The following ANK2 variants were observed in gnomAD, a reference collection of about 807,000 sequenced individuals.
ANK2 encodes the protein ankyrin-2.
Under a neutral mutation model 360.5 loss-of-function variants are expected in ANK2, and 83 were observed. That is an observed-to-expected ratio of 0.23 (90% CI 0.19 to 0.28). The LOEUF (loss-of-function observed/expected upper bound fraction) is 0.28, where lower values mean the gene tolerates loss of function less well. ANK2 is among the 10% of genes least tolerant of loss of function. The pLI is 1.00. For synonymous variants in ANK2, 1,740 were observed against 1,759.5 expected, an observed-to-expected ratio of 0.99 and a Z score of 0.28; for missense variants, 4,201 against 4,795.7, an observed-to-expected ratio of 0.88 and a Z score of 3.66.
chr4:113,040,022 T>C (rs149820794), intron 2 of ANK2, among the ~76,000 whole-genome samples: 21 of 152,140 alleles, frequency 1.4e-4, no homozygotes, highest in Admixed American at 3.3e-4. Flanking sequence ...ATAAATTAAG[T>C]TGCCCCTGAA....
chr4:112,910,948 ATTATTTGCCT>A (rs2086972885), intron 2 of ANK2, among the ~76,000 whole-genome samples: 3 of 134,922 alleles, frequency 2.2e-5, no homozygotes, highest in Non-Finnish European at 4.8e-5. Flanking sequence ...ACTTTTGTTT[ATTATTTGCCT>A]TTTTTTTTTT....
chr4:113,215,215 G>A (rs965016641), intron 4 of ANK2, among the ~76,000 whole-genome samples: 5 of 152,070 alleles, frequency 3.3e-5, no homozygotes, highest in African/African-American at 1.2e-4. Flanking sequence ...GAGAGGAAAG[G>A]CAATGAAATA....
the ANK2 span, among the ~76,000 whole-genome samples, chr4:112,799,930 T>C: frequency 6.6e-6 from 1 of 151,754 alleles, no homozygotes; most frequent in South Asian, 2.1e-4. Flanking sequence ...TCTCAGTTCC[T>C]AGCCTAGGAT....
chr4:113,367,572 C>G lies in ANK2; in HGVS notation c.11039C>G (p.Ser3680Trp). Residue 3680 changes from serine (S) to tryptophan (W), a missense_variant, in exon 42 of 46, where the codon TCG becomes TGG. Ser to Trp is a radical substitution (Grantham distance 177). Around this residue, in one of 4 missense-constraint regions of ANK2, gnomAD observed 2,642 missense variants for 2,714.5 expected, o/e 0.97. Coordinates refer to ENST00000357077, the MANE Select transcript of ANK2 (RefSeq NM_001148.6). The stretch of plus-strand genomic sequence containing the variant: ...TAAATCATTCTGCCTTTAGGGTTCT[C>G]GGTACTTCAAGAGGAGTTATGCACT... ...TITLDHSEGFSVLQEELCTAQ... is the reference protein window; with the variant it reads ...TITLDHSEGFWVLQEELCTAQ... 1 of 1,613,608 alleles carries G rather than the reference C, an allele frequency of 6.2e-7. No individual in the cohort carries two copies. The highest frequency in any genetic ancestry group is 1.1e-5 in the South Asian group (1 of 91,036).
chr4:113,048,243 A>AGTGT (rs796693713), upstream of ANK2, among the ~76,000 whole-genome samples: 78 of 53,478 alleles, frequency 1.5e-3, no homozygotes, highest in East Asian at 0.044. Context: ...TGCATCTACA[A>AGTGT]GTGTGTATAT....
chr4:113,200,240 G>C (rs72898017), intron 4 of ANK2, among the ~76,000 whole-genome samples: 1 of 152,018 alleles, frequency 6.6e-6, no homozygotes, highest in South Asian at 2.1e-4. Flanking sequence ...TTATAATTTG[G>C]TACCATCTGT....
chr4:113,347,449 G>T (rs1304648133), intron 35 of ANK2, among the ~76,000 whole-genome samples: 1 of 152,120 alleles, frequency 6.6e-6, no homozygotes, highest in Admixed American at 6.6e-5. Context: ...ACTGCTGCGG[G>T]CAAGCCACCT....
At chr4:112,755,498 G>C in the ANK2 span, among the ~76,000 whole-genome samples, 2 of 152,154 alleles carry the variant, frequency 1.3e-5, no homozygotes, top group African/African-American at 2.4e-5. Context: ...TGGGATAGGC[G>C]GTAGAGTTTG....
chr4:113,160,558 C>T (rs892966618), intron 1 of ANK2, among the ~76,000 whole-genome samples: 6 of 152,214 alleles, frequency 3.9e-5, no homozygotes, highest in Non-Finnish European at 5.9e-5. Flanking sequence ...CTTGACATTC[C>T]TATTGGCCAA....
chr4:113,032,133 C>A (rs1215225538), intron 2 of ANK2, among the ~76,000 whole-genome samples: 1 of 152,046 alleles, frequency 6.6e-6, no homozygotes, highest in African/African-American at 2.4e-5. Context: ...ATTAACAGTT[C>A]TACTTACTGT....
chr4:112,913,141 T>C (rs560869839), intron 2 of ANK2, among the ~76,000 whole-genome samples: 1 of 152,306 alleles, frequency 6.6e-6, no homozygotes, highest in East Asian at 1.9e-4. Flanking sequence ...CTATTGTTGC[T>C]AGGATCAATC....
chr4:112,918,273 G>A (rs2090489757), intron 2 of ANK2, among the ~76,000 whole-genome samples: 1 of 152,120 alleles, frequency 6.6e-6, no homozygotes. Flanking sequence ...GTTGAAGTCT[G>A]CCCCGGCTCA....
chr4:112,733,272 C>T, the ANK2 span, among the ~76,000 whole-genome samples: 23 of 152,028 alleles, frequency 1.5e-4, no homozygotes, highest in Non-Finnish European at 2.6e-4. Flanking sequence ...TTATATCTCC[C>T]TGAGACTTGG....
At chr4:113,209,657 G>T (rs2153448320) in intron 4 of ANK2, among the ~76,000 whole-genome samples, 1 of 152,086 alleles carries the variant, frequency 6.6e-6, no homozygotes, top group African/African-American at 2.4e-5. Context: ...TGCAGGTAAA[G>T]ATTTTTAAAG....
chr4:113,001,391 A>C (rs2154286662), intron 2 of ANK2, among the ~76,000 whole-genome samples: 1 of 151,502 alleles, frequency 6.6e-6, no homozygotes. Context: ...AAATAACTTT[A>C]TCATAAAAAA....
chr4:113,376,648 T>C (rs1321015219), intron 45 of ANK2, among the ~76,000 whole-genome samples: 1 of 152,210 alleles, frequency 6.6e-6, no homozygotes, highest in South Asian at 2.1e-4. Context: ...GCTTTTACAT[T>C]TATTTTAACT....
At chr4:113,269,741 C>A (rs1379042149) in intron 14 of ANK2, among the ~76,000 whole-genome samples, 1 of 152,212 alleles carries the variant, frequency 6.6e-6, no homozygotes, top group African/African-American at 2.4e-5. Flanking sequence ...CAGCCTCCGG[C>A]CACTTCCAAG....
chr4:113,043,637 A>G (rs2063522237), intron 2 of ANK2, among the ~76,000 whole-genome samples: 2 of 152,124 alleles, frequency 1.3e-5, no homozygotes, highest in African/African-American at 4.8e-5. Context: ...TTTATATTCC[A>G]TATCTTTTCC....
At chr4:113,323,293 T>A (rs2087519793) in intron 26 of ANK2, among the ~76,000 whole-genome samples, 1 of 152,174 alleles carries the variant, frequency 6.6e-6, no homozygotes, top group Non-Finnish European at 1.5e-5. Context: ...TGCTACTGTT[T>A]GTTGTTGATC....
Sources: gnomAD v4.1 joint callset for allele counts (sites outside exome capture counted in the v4.1 genomes callset) on GRCh38, gnomAD v4.1.1 for gene constraint, gnomAD v4.1.1 regional missense constraint, MANE v1.5 for transcripts, NCBI Gene and HGNC (gene_info 2026-07-23, HGNC 2026-07-21) for gene names.